Variants in CDCA2 observed in about 807,000 individuals in gnomAD.
CDCA2 encodes cell division cycle-associated protein 2.
In CDCA2, 44 loss-of-function variants were observed where a neutral mutation model predicts 67.0. That is an observed-to-expected ratio of 0.66 (90% CI 0.52 to 0.84). CDCA2 has a LOEUF of 0.84. Ranked by LOEUF, CDCA2 falls within the 40% of genes least tolerant of loss-of-function variation. CDCA2 has a pLI of 0.00. For missense variants in CDCA2, 1,253 were observed against 1,203.2 expected, an observed-to-expected ratio of 1.04 and a Z score of -0.61; for synonymous variants, 447 against 418.7, an observed-to-expected ratio of 1.07 and a Z score of -0.82.
chr8:25,498,785 C>T lies in CDCA2; in HGVS notation c.1672-4588C>T, dbSNP rs367872560. Among the ~76,000 whole-genome samples, 110 of 152,188 alleles carry T rather than the reference C, an allele frequency of 7.2e-4. 1 individual carries two copies. The East Asian group carries it at 8.3e-3, about 12-fold the overall frequency. ...CTTCATTCCTACAGTTTTGTCATTT[C>T]GAAAAGGTTACCCAAATGGAGTCAT... On this transcript the variant is annotated intron_variant, in intron 13 of 14. Transcript: ENST00000330560.
chr8:25,471,983 C>A (rs771119801), intron 7 of CDCA2: 5 of 152,158 alleles, frequency 3.3e-5, no homozygotes, highest in Non-Finnish European at 7.3e-5. Flanking sequence ...GACAGTGCAC[C>A]TTCAGGAAGA....
At chr8:25,498,734 T>C (rs1419220467) in intron 13 of CDCA2, among the ~76,000 whole-genome samples, 2 of 152,062 alleles carry the variant, frequency 1.3e-5, no homozygotes, top group Non-Finnish European at 2.9e-5. Context: ...TAACCCCGCC[T>C]CATCCCCTGG....
chr8:25,474,763 G>A (rs1803282589), intron 7 of CDCA2, among the ~76,000 whole-genome samples: 1 of 152,200 alleles, frequency 6.6e-6, no homozygotes. Context: ...TTTGGAATCT[G>A]TAGTTGGGCA....
chr8:25,485,286 AAG>A (rs1273391153), intron 10 of CDCA2, among the ~76,000 whole-genome samples: 3 of 151,816 alleles, frequency 2.0e-5, no homozygotes, highest in African/African-American at 7.2e-5. Context: ...ATGGTAATAA[AAG>A]AATTTCTTCA....
At chr8:25,494,798 G>A (rs1804148857) in intron 13 of CDCA2, among the ~76,000 whole-genome samples, 1 of 152,138 alleles carries the variant, frequency 6.6e-6, no homozygotes, top group South Asian at 2.1e-4. Context: ...GAGATCCATA[G>A]GGTGGGTCCT....
intron 13 of CDCA2, among the ~76,000 whole-genome samples, chr8:25,494,882 ATT>A: frequency 6.6e-6 from 1 of 151,850 alleles, no homozygotes. Flanking sequence ...ACGAGTGTGC[ATT>A]GAGAAATAAC....
In CDCA2 at chr8:25,507,038, A is replaced by G; in HGVS notation, c.2372A>G (p.His791Arg). 6.2e-7 allele frequency: 1 copy of G among 1,614,096 alleles called. No homozygotes were observed. The highest frequency in any genetic ancestry group is 1.3e-5 in the African/African-American group (1 of 75,068). ...RLMPNSQKDC[H>R]CLGDVLIENT... ...ATGCCTAATTCACAAAAAGACTGTCATTGTTTAGGAGATGTCTTAATTGAA... is the reference window on the plus strand; with the variant it reads ...ATGCCTAATTCACAAAAAGACTGTCGTTGTTTAGGAGATGTCTTAATTGAA... The change falls in exon 15 of 15, where the codon CAT becomes CGT. Residue 791 changes from histidine to arginine, a missense_variant. Coordinates refer to ENST00000330560, the MANE Select transcript of CDCA2 (RefSeq NM_152562.4).
Position 25,468,254 on chromosome 8 carries a change from G to A in CDCA2, c.576G>A (p.Gly192=). 1 of 1,612,754 alleles carries A rather than the reference G, an allele frequency of 6.2e-7. No homozygotes were observed. Among genetic ancestry groups the A allele is most frequent in the Non-Finnish European group, 8.5e-7 (1 of 1,179,232 alleles). Residue 192 remains glycine (G), a synonymous_variant, in exon 6 of 15, where the codon GGG becomes GGA. Transcript: ENST00000330560. The part of the protein sequence containing the change: ...KEGLSACQQS[G]FPAVLSSKRR... The stretch of plus-strand genomic sequence containing the variant: ...GTCTCAGCGCTTGCCAGCAGTCTGG[G>A]TTCCCTGCAGTGTTGTCCTCCAAAC...
intron 13 of CDCA2, among the ~76,000 whole-genome samples, chr8:25,492,835 A>T (rs916962272): frequency 1.3e-5 from 2 of 152,260 alleles, no homozygotes; most frequent in Admixed American, 1.3e-4. Context: ...TTAATAGCAG[A>T]AGGTGAAAAG....
intron 13 of CDCA2, 105 bp downstream of exon 13, chr8:25,488,794 C>T: frequency 8.9e-7 from 1 of 1,126,396 alleles, no homozygotes; most frequent in Non-Finnish European, 1.2e-6. Flanking sequence ...GACTTTGGAC[C>T]AAGATTATTA....
chr8:25,478,824 C>A lies in CDCA2; in HGVS notation c.821-1089C>A, dbSNP rs974376500. On this transcript the variant is annotated intron_variant, in intron 7 of 14. Transcript: ENST00000330560. The stretch of plus-strand genomic sequence containing the variant: ...TAGCACTTCCTTCCAGCTTATCATA[C>A]TGTATTCCTCTCTTGCTACATTATT... Among the ~76,000 whole-genome samples the A allele has an allele frequency of 2.6e-5, 4 of 151,114 alleles. No homozygotes were observed. The East Asian group carries it at 7.8e-4, about 29-fold the overall frequency.
rs529365411 is a variant in CDCA2 at position 25,478,142 on chromosome 8, C to T, written c.821-1771C>T. 3.9e-5 allele frequency among the ~76,000 whole-genome samples: 6 copies of T among 151,932 alleles called. No individual in the cohort carries two copies. The South Asian group carries it at 1.2e-3, about 32-fold the overall frequency. On this transcript the variant is annotated intron_variant, in intron 7 of 14. Transcript: ENST00000330560. ...ATCCTACTATGTTGCCCAGGCTGGT[C>T]TCCAACTCCTGGGCTCAAGCAATCC...
rs76285942 is a variant in CDCA2 at position 25,504,994 on chromosome 8, C to T, written c.1843+1450C>T. 5.0e-3 allele frequency among the ~76,000 whole-genome samples: 761 copies of T among 152,198 alleles called. 7 individuals are homozygous for T. Among genetic ancestry groups the T allele is most frequent in the African/African-American group, 0.017 (696 of 41,530 alleles). On this transcript the variant is annotated intron_variant, in intron 14 of 14. Coordinates refer to ENST00000330560, the MANE Select transcript of CDCA2 (RefSeq NM_152562.4). ...TGTAGTAAAATTTTCCATGTTGTAT[C>T]GTATTAGAGAATTTATTTTTTAAAA...
chr8:25,468,554 T>TGTGTGTGCGC (rs140233192), intron 6 of CDCA2, 141 bp downstream of exon 6: 3 of 495,428 alleles, frequency 6.1e-6, no homozygotes, highest in Admixed American at 7.3e-5. Flanking sequence ...TGTGTGTGTG[T>TGTGTGTGCGC]GTGCGTGTGT....
intron 7 of CDCA2, among the ~76,000 whole-genome samples, chr8:25,475,954 A>G (rs1311936105): frequency 6.6e-6 from 1 of 152,312 alleles, no homozygotes; most frequent in South Asian, 2.1e-4. Context: ...GGGAAGCCAA[A>G]CGTCTGCTTC....
chr8:25,479,241 C>G (rs1375506020), intron 7 of CDCA2, among the ~76,000 whole-genome samples: 6 of 152,092 alleles, frequency 3.9e-5, no homozygotes, highest in Non-Finnish European at 7.4e-5. Context: ...TCACTCTTTC[C>G]CTCTCCCTCC....
chr8:25,466,039 C>G (rs1296043402), intron 4 of CDCA2, 136 bp from the exon 5 acceptor site: 1 of 654,034 alleles, frequency 1.5e-6, no homozygotes, highest in African/African-American at 1.9e-5. Flanking sequence ...GAAGCTCTGC[C>G]ACACTAACTC....
chr8:25,483,821 C>T (rs1586498294), intron 9 of CDCA2, 145 bp from the exon 10 acceptor site: 1 of 725,096 alleles, frequency 1.4e-6, no homozygotes, highest in Non-Finnish European at 2.1e-6. Context: ...TTTGCTCTAC[C>T]AACAATTATT....
chr8:25,497,505 AT>A lies in CDCA2; in HGVS notation c.1672-5867del, dbSNP rs1563281801. ...ATGTGGAATCTTTAAAAAATAAAAA[AT>A]AAAAAAAAAAAAAACTCACAGAAGC... is the stretch of plus-strand genomic sequence containing the variant. On this transcript the variant is annotated intron_variant, in intron 13 of 14. Coordinates refer to ENST00000330560, the MANE Select transcript of CDCA2 (RefSeq NM_152562.4). Among the ~76,000 whole-genome samples the A allele has an allele frequency of 9.7e-4, 28 of 29,008 alleles. 1 individual carries two copies. The highest frequency in any genetic ancestry group is 0.067 in the Middle Eastern group (2 of 30). 19.0% of individuals were successfully genotyped at this position (29,008 alleles called of 152,430 possible).
Sources: allele counts gnomAD v4.1 joint callset (sites outside exome capture counted in the v4.1 genomes callset), GRCh38; gene constraint gnomAD v4.1.1; transcripts MANE v1.5; gene names NCBI Gene and HGNC (gene_info 2026-07-23, HGNC 2026-07-21).